The following ENAM variants were observed in gnomAD, a reference collection of about 807,000 sequenced individuals.
The protein encoded by ENAM is enamelin, also known as amelogenesis imperfecta 2, hypocalcification (autosomal dominant).
In ENAM, 21 loss-of-function variants were observed where a neutral mutation model predicts 33.6. The ratio of observed to expected loss-of-function variants is 0.63; its 90% CI spans 0.44 to 0.90. The LOEUF (loss-of-function observed/expected upper bound fraction) is 0.90, where lower values mean the gene tolerates loss of function less well. Among genes scored for constraint, ENAM ranks in the 40% least tolerant of loss-of-function variants. The pLI, the probability that ENAM is intolerant of heterozygous loss-of-function variation, is 0.00. For synonymous variants in ENAM, 473 were observed against 468.4 expected, an observed-to-expected ratio of 1.01 and a Z score of -0.13; for missense variants, 1,388 against 1,366.9, an observed-to-expected ratio of 1.02 and a Z score of -0.24.
At chr4:70,639,199 A>C (rs1738537571) in intron 8 of ENAM, among the ~76,000 whole-genome samples, 2 of 152,220 alleles carry the variant, frequency 1.3e-5, no homozygotes, top group Admixed American at 6.5e-5. Flanking sequence ...GATTCAGATA[A>C]TTGTATGCAA....
At chr4:70,639,834 A>G (rs1162646618) in intron 8 of ENAM, among the ~76,000 whole-genome samples, 1 of 152,030 alleles carries the variant, frequency 6.6e-6, no homozygotes, top group Non-Finnish European at 1.5e-5. Context: ...GGCTGCAGGG[A>G]ACCCTGATCT....
intron 7 of ENAM, among the ~76,000 whole-genome samples, chr4:70,636,216 A>G (rs1738449332): frequency 6.6e-6 from 1 of 152,206 alleles, no homozygotes; most frequent in Non-Finnish European, 1.5e-5. Context: ...CACACAAATT[A>G]TCTTCATTTA....
chr4:70,644,816 A>G lies in ENAM; in HGVS notation c.3390A>G (p.Val1130=), dbSNP rs201845423. ...PFEFLQRGTN[V]QDQVQDCLLL... is the part of the protein sequence containing the mutation. ...AATTCCTTCAAAGAGGGACCAATGT[A>G]CAGGACCAGGTACAAGACTGCTTAC... The change falls in exon 9 of 9, where the codon GTA becomes GTG. Residue 1130 remains valine, a synonymous_variant. Transcript: ENST00000396073. 9.5e-5 allele frequency: 153 copies of G among 1,614,040 alleles called. No individual in the cohort carries two copies. Among genetic ancestry groups the G allele is most frequent in the Non-Finnish European group, 1.2e-4 (147 of 1,179,990 alleles).
At chr4:70,641,159 G>A (rs1263508574) in intron 8 of ENAM, among the ~76,000 whole-genome samples, 7 of 152,196 alleles carry the variant, frequency 4.6e-5, no homozygotes, top group South Asian at 4.2e-4. Flanking sequence ...ATAGAACATC[G>A]GAGGAGGAGA....
chr4:70,643,731 A>G lies in ENAM; in HGVS notation c.2305A>G (p.Arg769Gly). 6.2e-7 allele frequency: 1 copy of G among 1,614,206 alleles called. No individual in the cohort carries two copies. The highest frequency in any genetic ancestry group is 8.5e-7 in the Non-Finnish European group (1 of 1,180,030). ...LFPSRNSWDH[R>G]IQAQGQRERR... Reference sequence around the variant, plus strand: ...TCCTTCACGGAATTCCTGGGACCACAGGATACAAGCCCAAGGGCAGAGAGA... The same window carrying G: ...TCCTTCACGGAATTCCTGGGACCACGGGATACAAGCCCAAGGGCAGAGAGA... The change falls in exon 9 of 9, where the codon AGG (arginine) becomes GGG (glycine). Residue 769 changes from arginine (R) to glycine (G), a missense_variant. Arg to Gly is a moderately radical substitution (Grantham distance 125). Transcript: ENST00000396073.
At chr4:70,631,977 C>G in intron 4 of ENAM, 84 bp downstream of exon 4, 6 of 1,159,956 alleles carry the variant, frequency 5.2e-6, no homozygotes, top group Non-Finnish European at 7.8e-6. Flanking sequence ...GGAAAATTGT[C>G]TCATATATAA....
Position 70,646,671 on chromosome 4 carries a change from G to A in ENAM, c.*1816G>A, listed in dbSNP as rs953003004. On this transcript the variant is annotated 3_prime_UTR_variant, in exon 9 of 9. Transcript: ENST00000396073. ...TTCAGCGTTAGAAGGGATCTTAGAG[G>A]TAGATTATCCAGGCCATCCCCTACT... 6 of 152,024 alleles carry A rather than the reference G, an allele frequency of 3.9e-5. No individual in the cohort carries two copies. Among genetic ancestry groups the A allele is most frequent in the African/African-American group, 1.2e-4 (5 of 41,364 alleles). The allele number at this position is 152,024 out of a possible 1,614,324, so 9.4% of individuals were successfully genotyped here.
chr4:70,638,360 G>A (rs1180438588), intron 8 of ENAM, among the ~76,000 whole-genome samples: 1 of 151,174 alleles, frequency 6.6e-6, no homozygotes, highest in Non-Finnish European at 1.5e-5. Flanking sequence ...CCCCCCTGGA[G>A]CTTACTTCTT....
At position 70,646,134 on chromosome 4, in the gene ENAM, T is replaced by G. The variant is rs920161749; in HGVS notation, c.*1279T>G. On this transcript the variant is annotated 3_prime_UTR_variant, in exon 9 of 9. Coordinates refer to ENST00000396073, the MANE Select transcript of ENAM (RefSeq NM_031889.3). ...CTACTACTAACATTCTTCATGTCCA[T>G]GCAGAATTACTTACAGACACTCTTT... The G allele has an allele frequency of 1.1e-4, 16 of 151,928 alleles. No homozygotes were observed. The highest frequency in any genetic ancestry group is 1.5e-5 in the Non-Finnish European group (1 of 67,972). 9.4% of individuals were successfully genotyped at this position (151,928 alleles called of 1,614,324 possible).
chr4:70,634,533 C>G lies in ENAM; in HGVS notation c.436C>G (p.Gln146Glu), dbSNP rs1260021014. 1 of 1,614,150 alleles carries G rather than the reference C, an allele frequency of 6.2e-7. No homozygotes were observed. Among genetic ancestry groups the G allele is most frequent in the East Asian group, 2.2e-5 (1 of 44,884 alleles). ...KRPLKQPSHN[Q>E]PQPEEEAQPP... ...GCCTTTGAAGCAGCCATCACATAAT[C>G]AACCTCAGCCCGAAGAGGAAGCTCA... Residue 146 changes from glutamine (Q) to glutamate (E), a missense_variant, in exon 6 of 9, where the codon CAA becomes GAA. Physicochemically the swap from Gln to Glu is conservative, Grantham distance 29 (BLOSUM62 2). Coordinates refer to ENST00000396073, the MANE Select transcript of ENAM (RefSeq NM_031889.3).
chr4:70,639,568 C>T (rs114052465), intron 8 of ENAM, among the ~76,000 whole-genome samples: 7,551 of 151,790 alleles, frequency 0.05, 577 homozygotes, highest in African/African-American at 0.16. Flanking sequence ...CTAGTCTAGG[C>T]GACAGAGCGA....
In ENAM at chr4:70,644,942, A is replaced by G. The variant is rs891387122; in HGVS notation, c.*87A>G. ...CCCAAAATTTTTTCCCCAAGACTTAATTAAGTGTCTGACTGTCTTGGTGAT... is the reference window on the plus strand; with the variant it reads ...CCCAAAATTTTTTCCCCAAGACTTAGTTAAGTGTCTGACTGTCTTGGTGAT... On this transcript the variant is annotated 3_prime_UTR_variant, in exon 9 of 9. Transcript: ENST00000396073. The G allele has an allele frequency of 9.1e-6, 10 of 1,094,376 alleles. No individual in the cohort carries two copies. The highest frequency in any genetic ancestry group is 1.4e-5 in the Non-Finnish European group (10 of 718,844). The allele number at this position is 1,094,376 out of a possible 1,614,324, so 67.8% of individuals were successfully genotyped here. A position where few individuals can be genotyped will look rare whatever the true frequency, so the allele number is the denominator to read the frequency against.
intron 7 of ENAM, 142 bp downstream of exon 7, chr4:70,636,036 A>C: frequency 2.1e-6 from 1 of 475,394 alleles, no homozygotes; most frequent in Non-Finnish European, 3.7e-6. Flanking sequence ...GTGCATCAGT[A>C]ATCATGCAGA....
chr4:70,629,950 A>G (rs1203247651), intron 2 of ENAM, among the ~76,000 whole-genome samples: 1 of 152,170 alleles, frequency 6.6e-6, no homozygotes, highest in Non-Finnish European at 1.5e-5. Context: ...GCAGAAATTA[A>G]CCATCCAAAA....
In ENAM at chr4:70,639,880, C is replaced by T. The variant is rs1390854337; in HGVS notation, c.588+2037C>T. On this transcript the variant is annotated intron_variant, in intron 8 of 8. Coordinates refer to ENST00000396073, the MANE Select transcript of ENAM (RefSeq NM_031889.3). ...CTCCAGCCTGGGCAACAAAGAAAAA[C>T]CCTGTCTCAAAAACTAAGATGTCTG... is the stretch of plus-strand genomic sequence containing the variant. 7.2e-4 allele frequency among the ~76,000 whole-genome samples: 109 copies of T among 152,172 alleles called. 2 individuals are homozygous for T. The highest frequency in any genetic ancestry group is 7.0e-3 in the Admixed American group (107 of 15,278).
intron 4 of ENAM, among the ~76,000 whole-genome samples, chr4:70,632,297 G>A (rs1738343577): frequency 6.6e-6 from 1 of 152,104 alleles, no homozygotes. Context: ...GAATCATCTT[G>A]TCACATAATT....
chr4:70,632,842 C>T, intron 5 of ENAM, 150 bp downstream of exon 5: 3 of 689,350 alleles, frequency 4.4e-6, no homozygotes, highest in Non-Finnish European at 7.9e-6. Flanking sequence ...AAATTATTGC[C>T]CCTATCCTCT....
intron 4 of ENAM, 86 bp downstream of exon 4, chr4:70,631,979 C>A: frequency 1.7e-6 from 2 of 1,146,236 alleles, no homozygotes; most frequent in South Asian, 1.2e-5. Flanking sequence ...AAAATTGTCT[C>A]ATATATAATA....
intron 7 of ENAM, among the ~76,000 whole-genome samples, chr4:70,636,830 C>A (rs545278150): frequency 6.7e-6 from 1 of 150,262 alleles, no homozygotes; most frequent in South Asian, 2.1e-4. Context: ...GAATCTTAAA[C>A]GTTTAAAATC....
Sources: allele counts gnomAD v4.1 joint callset (sites outside exome capture counted in the v4.1 genomes callset), GRCh38; gene constraint gnomAD v4.1.1; transcripts MANE v1.5; gene names NCBI Gene and HGNC (gene_info 2026-07-23, HGNC 2026-07-21).